PDIA5: variants seen among roughly 807,000 people sequenced by gnomAD.
PDIA5 encodes the protein protein disulfide isomerase family A member 5.
A neutral mutation model predicts 77.6 loss-of-function variants in PDIA5; 58 were observed. That is an observed-to-expected ratio of 0.75 (90% CI 0.61 to 0.93). The LOEUF is 0.93. PDIA5 is among the 40% of genes least tolerant of loss of function. The pLI is 0.00. For missense variants in PDIA5, 630 were observed against 647.7 expected (o/e 0.97, Z 0.30); for synonymous variants, 250 against 252.1 (o/e 0.99, Z 0.08).
chr3:123,067,572 C>T (rs1933604613), intron 1 of PDIA5: 3 of 273,430 alleles, frequency 1.1e-5, no homozygotes, highest in Admixed American at 5.4e-5. Context: ...AGCCCTGCAC[C>T]TGTGTGAGTG....
At chr3:123,131,392 C>T (rs952285662) in intron 11 of PDIA5, among the ~76,000 whole-genome samples, 1 of 151,712 alleles carries the variant, frequency 6.6e-6, no homozygotes, top group Non-Finnish European at 1.5e-5. Flanking sequence ...TGCACTCCCT[C>T]CTGGGCAGCA....
At chr3:123,102,283 A>C (rs1934621092) in intron 3 of PDIA5, 128 bp from the exon 4 acceptor site, 6 of 701,614 alleles carry the variant, frequency 8.6e-6, no homozygotes, top group Non-Finnish European at 1.6e-5. Flanking sequence ...ATCTATAGTA[A>C]GGCCTTCATC....
chr3:123,076,122 CAG>C (rs1933851255), intron 1 of PDIA5, among the ~76,000 whole-genome samples: 1 of 152,032 alleles, frequency 6.6e-6, no homozygotes, highest in Non-Finnish European at 1.5e-5. Flanking sequence ...GAAGGGACAG[CAG>C]ACTTGCCAGC....
chr3:123,080,145 TG>T (rs1393346579), intron 1 of PDIA5, among the ~76,000 whole-genome samples: 1 of 149,816 alleles, frequency 6.7e-6, no homozygotes, highest in East Asian at 2.0e-4. Flanking sequence ...GGCTGACAGA[TG>T]GGTGTGTGTG....
At chr3:123,136,725 C>CAAGA (rs1935512698) in intron 11 of PDIA5, among the ~76,000 whole-genome samples, 2 of 71,530 alleles carry the variant, frequency 2.8e-5, no homozygotes, top group Non-Finnish European at 5.0e-5. Flanking sequence ...GGTGACAAGA[C>CAAGA]AAAAAAAAAA....
intron 14 of PDIA5, among the ~76,000 whole-genome samples, chr3:123,153,680 A>C: frequency 6.6e-6 from 1 of 151,556 alleles, no homozygotes; most frequent in South Asian, 2.1e-4. Context: ...ACCCCCCACA[A>C]TGCTCTGGGC....
At chr3:123,119,998 T>C (rs1935073227) in intron 8 of PDIA5, among the ~76,000 whole-genome samples, 1 of 152,216 alleles carries the variant, frequency 6.6e-6, no homozygotes, top group African/African-American at 2.4e-5. Context: ...CATTGACGTC[T>C]GGTGACTCAT....
At chr3:123,093,523 T>C (rs1452536994) in intron 3 of PDIA5, among the ~76,000 whole-genome samples, 2 of 152,196 alleles carry the variant, frequency 1.3e-5, no homozygotes, top group African/African-American at 4.8e-5. Flanking sequence ...GGAGGCTTAT[T>C]GTAGGGAGTG....
At chr3:123,146,965 A>G (rs1935787076) in intron 13 of PDIA5, among the ~76,000 whole-genome samples, 1 of 152,058 alleles carries the variant, frequency 6.6e-6, no homozygotes, top group Admixed American at 6.5e-5. Flanking sequence ...ACATGCCACC[A>G]TGCCTGGCTA....
At chr3:123,156,260 C>A (rs545830429) in intron 15 of PDIA5, among the ~76,000 whole-genome samples, 1 of 152,254 alleles carries the variant, frequency 6.6e-6, no homozygotes, top group South Asian at 2.1e-4. Context: ...ACCTGATTCT[C>A]ACTTAGACCC....
chr3:123,101,669 C>T lies in PDIA5; in HGVS notation c.258-742C>T, dbSNP rs549417130. ...AAACAAAAATCTTGCTTGTCCACCC[C>T]CAACAGAGATTCCAAATTGATAATC... On this transcript the variant is annotated intron_variant, in intron 3 of 16. Transcript: ENST00000316218. 7.2e-5 allele frequency among the ~76,000 whole-genome samples: 11 copies of T among 152,284 alleles called. 1 individual carries two copies. The South Asian group carries it at 2.3e-3, about 32-fold the overall frequency.
chr3:123,115,044 A>G (rs1033236458), intron 7 of PDIA5, among the ~76,000 whole-genome samples: 2 of 152,160 alleles, frequency 1.3e-5, no homozygotes, highest in African/African-American at 4.8e-5. Flanking sequence ...TTCTGGCTTC[A>G]CGGCCTGTCT....
rs1935347100 is a variant in PDIA5, at chr3:123,130,511, A to G, written c.805A>G (p.Thr269Ala). 1 of 1,613,784 alleles carries G rather than the reference A, an allele frequency of 6.2e-7. No individual in the cohort carries two copies. Among genetic ancestry groups the G allele is most frequent in the South Asian group, 1.1e-5 (1 of 91,056 alleles). Residue 269 changes from threonine (T) to alanine (A), a missense_variant, in exon 11 of 17, where the codon ACT (threonine) becomes GCT (alanine). Coordinates refer to ENST00000316218, the MANE Select transcript of PDIA5 (RefSeq NM_006810.4). ...GCCGCCACAGCCCCAGGTCCCTGAG[A>G]CTCCCTGGGCAGATGAGGGCGGCTC... ...PQPPQPQVPE[T>A]PWADEGGSVY...
In PDIA5 at chr3:123,141,243, C is replaced by A. The variant is rs145547771; in HGVS notation, c.911-4279C>A. On this transcript the variant is annotated intron_variant, in intron 11 of 16. Coordinates refer to ENST00000316218, the MANE Select transcript of PDIA5 (RefSeq NM_006810.4). ...CTGTCCATCTTGACCATGGGCCCTG[C>A]CAGCAGCTGGCCTAACAGCACCATC... is the stretch of plus-strand genomic sequence containing the variant. Among the ~76,000 whole-genome samples the A allele has an allele frequency of 1.8e-3, 280 of 152,318 alleles. 1 individual carries two copies. The highest frequency in any genetic ancestry group is 2.5e-3 in the Non-Finnish European group (173 of 68,024).
At chr3:123,067,371 A>G in intron 1 of PDIA5, 165 bp downstream of exon 1, 3 of 585,104 alleles carry the variant, frequency 5.1e-6, no homozygotes, top group Non-Finnish European at 7.5e-6. Context: ...TACGCGGGAG[A>G]CAGCGGGCGT....
At chr3:123,153,892 T>G (rs1404063103) in intron 14 of PDIA5, among the ~76,000 whole-genome samples, 1 of 152,260 alleles carries the variant, frequency 6.6e-6, no homozygotes, top group Non-Finnish European at 1.5e-5. Context: ...GTGGCATCTC[T>G]GCCTTCCCGA....
At chr3:123,120,261 T>G (rs1019853783) in intron 8 of PDIA5, among the ~76,000 whole-genome samples, 1 of 152,232 alleles carries the variant, frequency 6.6e-6, no homozygotes, top group African/African-American at 2.4e-5. Context: ...CAGGCTCTAG[T>G]GCTGGCTCTT....
intron 6 of PDIA5, among the ~76,000 whole-genome samples, chr3:123,108,369 C>T (rs1325505892): frequency 1.3e-5 from 2 of 150,710 alleles, no homozygotes; most frequent in Non-Finnish European, 3.0e-5. Flanking sequence ...CAGCCTCTGC[C>T]TCTGGGGTTC....
rs190827791 is a variant in PDIA5 at position 123,090,177 on chromosome 3, A to G, written c.169+883A>G. On this transcript the variant is annotated intron_variant, in intron 2 of 16. Coordinates refer to ENST00000316218, the MANE Select transcript of PDIA5 (RefSeq NM_006810.4). Reference sequence around the variant, plus strand: ...CATCCCTGGCACGTGGGATGTGTTCATTGCCACTTGCGGCTGCTGCTTCCC... The same window carrying G: ...CATCCCTGGCACGTGGGATGTGTTCGTTGCCACTTGCGGCTGCTGCTTCCC... Among the ~76,000 whole-genome samples the G allele has an allele frequency of 2.2e-4, 34 of 152,226 alleles. No homozygotes were observed. The East Asian group carries it at 6.4e-3, about 29-fold the overall frequency.
Sources: allele counts gnomAD v4.1 joint callset (sites outside exome capture counted in the v4.1 genomes callset), GRCh38; gene constraint gnomAD v4.1.1; transcripts MANE v1.5; gene names NCBI Gene and HGNC (gene_info 2026-07-23, HGNC 2026-07-21).